The following BICDL1 variants were observed in gnomAD, a reference collection of about 807,000 sequenced individuals.
BICDL1 encodes BICD family-like cargo adapter 1.
A neutral mutation model predicts 76.8 loss-of-function variants in BICDL1; 20 were observed. That is an observed-to-expected ratio of 0.26 (90% CI 0.18 to 0.38). The LOEUF (loss-of-function observed/expected upper bound fraction) is 0.38. Ranked by LOEUF, BICDL1 falls within the 10% of genes least tolerant of loss-of-function variation. The pLI is 1.00. For synonymous variants in BICDL1, 383 were observed against 337.1 expected, an observed-to-expected ratio of 1.14 and a Z score of -1.49; for missense variants, 700 against 798.6, an observed-to-expected ratio of 0.88 and a Z score of 1.49.
intron 2 of BICDL1, among the ~76,000 whole-genome samples, chr12:120,011,806 A>G (rs16949870): frequency 0.056 from 8,480 of 152,210 alleles, 470 homozygotes; most frequent in African/African-American, 0.14. Context: ...CTGTTTAAAC[A>G]TGAGGAAGAA....
At chr12:120,022,523 G>T (rs1173626532) in intron 2 of BICDL1, among the ~76,000 whole-genome samples, 1 of 148,706 alleles carries the variant, frequency 6.7e-6, no homozygotes, top group African/African-American at 2.5e-5. Context: ...GACTTAAGAG[G>T]CATGAAAAAC....
intron 2 of BICDL1, among the ~76,000 whole-genome samples, chr12:120,004,342 A>G (rs530137250): frequency 6.6e-6 from 1 of 152,238 alleles, no homozygotes; most frequent in South Asian, 2.1e-4. Flanking sequence ...GACTTTGGGT[A>G]TTACTCCCTA....
At chr12:120,022,422 A>T (rs542444121) in intron 2 of BICDL1, among the ~76,000 whole-genome samples, 237 of 146,896 alleles carry the variant, frequency 1.6e-3, no homozygotes, top group Non-Finnish European at 2.3e-3. Context: ...TTATATATAT[A>T]TTTTTTATAT....
At chr12:120,057,280 G>C (rs1952995190) in intron 2 of BICDL1, 2 of 360,094 alleles carry the variant, frequency 5.6e-6, no homozygotes, top group African/African-American at 2.2e-5. Flanking sequence ...CTCCCAACGT[G>C]CTGGGATTAC....
At position 120,092,826 on chromosome 12, in the gene BICDL1, G is replaced by A. The variant is rs996650336; in HGVS notation, c.1705-174G>A. ...GAGGTGCCATACGGCTCCTGCGTGCGCCTGGTGTCTTGCCCACGCTCACCG... is the reference window on the plus strand; with the variant it reads ...GAGGTGCCATACGGCTCCTGCGTGCACCTGGTGTCTTGCCCACGCTCACCG... On this transcript the variant is annotated intron_variant, in intron 9 of 9. Coordinates refer to ENST00000548673, the MANE Select transcript of BICDL1 (RefSeq NM_001367886.1). 27 of 985,318 alleles carry A rather than the reference G, an allele frequency of 2.7e-5. No individual in the cohort carries two copies. The South Asian group carries it at 3.3e-4, about 12-fold the overall frequency. 61.0% of individuals were successfully genotyped at this position (985,318 alleles called of 1,614,324 possible).
In BICDL1 at chr12:119,998,554, C is replaced by T. The variant is rs368843219; in HGVS notation, c.463C>T (p.Arg155Ter). Residue 155 changes from arginine (R) to a stop codon, truncating the protein, a stop_gained, in exon 2 of 10, where the codon CGA becomes TGA. Coordinates refer to ENST00000548673, the MANE Select transcript of BICDL1 (RefSeq NM_001367886.1). LOFTEE classifies it high-confidence loss of function. Reference protein sequence around the residue: ...LEQEKHELRRRFENREGEWEG... With the variant: ...LEQEKHELRR ...GCAAGAGAAACATGAATTGAGAAGA[C>T]GATTTGAGAACCGAGAAGGGGAGTG... 1 of 1,612,040 alleles carries T rather than the reference C, an allele frequency of 6.2e-7. No homozygotes were observed. The highest frequency in any genetic ancestry group is 8.5e-7 in the Non-Finnish European group (1 of 1,179,110).
At chr12:120,011,719 A>G (rs1362792270) in intron 2 of BICDL1, among the ~76,000 whole-genome samples, 1 of 152,210 alleles carries the variant, frequency 6.6e-6, no homozygotes, top group Non-Finnish European at 1.5e-5. Flanking sequence ...AACTGTTATA[A>G]TACATAAACC....
chr12:120,036,882 C>G (rs944983690), intron 2 of BICDL1, among the ~76,000 whole-genome samples: 1 of 152,092 alleles, frequency 6.6e-6, no homozygotes, highest in Non-Finnish European at 1.5e-5. Context: ...TCTCAAAAAA[C>G]AAAACAAACA....
At chr12:120,082,129 T>A (rs1480944739) in intron 8 of BICDL1, among the ~76,000 whole-genome samples, 3 of 152,230 alleles carry the variant, frequency 2.0e-5, no homozygotes, top group African/African-American at 7.2e-5. Flanking sequence ...TTTCTTCTTT[T>A]TCATATTACA....
At chr12:120,064,960 C>T in intron 4 of BICDL1, 81 bp downstream of exon 4, 1 of 1,474,984 alleles carries the variant, frequency 6.8e-7, no homozygotes. Flanking sequence ...GCTGGGAGGC[C>T]AGCATCACTG....
intron 2 of BICDL1, among the ~76,000 whole-genome samples, chr12:120,041,838 G>A (rs1440688386): frequency 6.6e-6 from 1 of 152,196 alleles, no homozygotes; most frequent in African/African-American, 2.4e-5. Flanking sequence ...CAAAGAGAAT[G>A]CAGCGGAGAA....
At chr12:120,060,261 A>G (rs1440112737) in intron 2 of BICDL1, among the ~76,000 whole-genome samples, 1 of 152,250 alleles carries the variant, frequency 6.6e-6, no homozygotes, top group Non-Finnish European at 1.5e-5. Context: ...GGTATCTGAA[A>G]TTAAATTTAG....
intron 9 of BICDL1, chr12:120,090,890 T>C (rs1874904341): frequency 1.6e-6 from 2 of 1,288,674 alleles, no homozygotes; most frequent in Non-Finnish European, 2.0e-6. Flanking sequence ...CGCTGCTCTC[T>C]CTCTTCTCTC....
chr12:120,031,193 T>C (rs1952414923), intron 2 of BICDL1, among the ~76,000 whole-genome samples: 1 of 150,184 alleles, frequency 6.7e-6, no homozygotes, highest in South Asian at 2.1e-4. Flanking sequence ...ATTTTATAAT[T>C]AACATGTTCC....
In BICDL1 at chr12:120,028,537, G is replaced by A. The variant is rs137916261; in HGVS notation, c.645+29801G>A. Among the ~76,000 whole-genome samples the A allele has an allele frequency of 8.0e-3, 1,214 of 152,216 alleles. 17 individuals carry two copies. Among genetic ancestry groups the A allele is most frequent in the African/African-American group, 0.027 (1,106 of 41,532 alleles). ...TAAAAGTACAAAACATTAGCCGGGC[G>A]TGGTGGCAGGCGCCTGTAATCCTAG... On this transcript the variant is annotated intron_variant, in intron 2 of 9. Coordinates refer to ENST00000548673, the MANE Select transcript of BICDL1 (RefSeq NM_001367886.1).
intron 8 of BICDL1, among the ~76,000 whole-genome samples, chr12:120,088,554 G>A (rs1196477125): frequency 6.7e-5 from 10 of 148,656 alleles, no homozygotes; most frequent in Non-Finnish European, 7.5e-5. Flanking sequence ...ATGGGTTTTC[G>A]CCATGTTGGC....
chr12:120,025,795 G>T (rs1952287162), intron 2 of BICDL1, among the ~76,000 whole-genome samples: 1 of 151,842 alleles, frequency 6.6e-6, no homozygotes, highest in African/African-American at 2.4e-5. Flanking sequence ...TAATAGTATT[G>T]TGGTATATAT....
At chr12:120,091,737 G>A (rs989502981) in intron 9 of BICDL1, 13 of 985,240 alleles carry the variant, frequency 1.3e-5, no homozygotes, top group African/African-American at 1.7e-5. Context: ...ACTCAGGAAG[G>A]CCCCTTTGTT....
intron 2 of BICDL1, among the ~76,000 whole-genome samples, chr12:120,003,980 C>G (rs201500124): frequency 6.6e-6 from 1 of 152,146 alleles, no homozygotes; most frequent in East Asian, 1.9e-4. Flanking sequence ...TCTGTGTCAT[C>G]TCATCTGTTC....
Sources: gnomAD v4.1 joint callset for allele counts (sites outside exome capture counted in the v4.1 genomes callset) on GRCh38, gnomAD v4.1.1 for gene constraint, MANE v1.5 for transcripts, NCBI Gene and HGNC (gene_info 2026-07-23, HGNC 2026-07-21) for gene names.